Variants in PPP2R2B observed in about 807,000 individuals in gnomAD.
PPP2R2B encodes the protein protein phosphatase 2 regulatory subunit Bbeta, also known as serine/threonine-protein phosphatase 2A 55 kDa regulatory subunit B beta isoform.
PPP2R2B carries 5 observed loss-of-function variants against 46.0 expected under a neutral mutation model. The observed-to-expected ratio is 0.11, with a 90% CI of 0.06 to 0.23. The LOEUF is 0.23. Among genes scored for constraint, PPP2R2B ranks in the 10% least tolerant of loss-of-function variants. The pLI is 1.00. For synonymous variants in PPP2R2B, 215 were observed against 206.7 expected (o/e 1.04, Z -0.34); for missense variants, 367 against 575.0 (o/e 0.64, Z 3.70).
At position 146,781,787 on chromosome 5, in the gene PPP2R2B, C is replaced by T. The variant is rs141814533; in HGVS notation, c.71-80645G>A. 7.5e-4 allele frequency among the ~76,000 whole-genome samples: 114 copies of T among 152,200 alleles called. 4 individuals carry two copies. The East Asian group carries it at 0.015, about 19-fold the overall frequency. ...GATATTACAACCAGACTAAATCCAA[C>T]TGAAAGTCAAATAAAGGAAGAAAGA... On this transcript the variant is annotated intron_variant, in intron 2 of 9. Transcript: ENST00000394411.
At chr5:146,916,108 G>A (rs1342612706) in intron 1 of PPP2R2B, among the ~76,000 whole-genome samples, 1 of 152,150 alleles carries the variant, frequency 6.6e-6, no homozygotes, top group Non-Finnish European at 1.5e-5. Flanking sequence ...TCACTTTGAA[G>A]AGGTTTGTAC....
chr5:146,784,287 C>CA (rs1196783359), intron 2 of PPP2R2B, among the ~76,000 whole-genome samples: 6 of 152,166 alleles, frequency 3.9e-5, no homozygotes, highest in Non-Finnish European at 8.8e-5. Context: ...GAGAAGAGGA[C>CA]AGCCTCAGTC....
chr5:146,887,558 A>T (rs937766472), intron 1 of PPP2R2B, among the ~76,000 whole-genome samples: 3 of 152,224 alleles, frequency 2.0e-5, no homozygotes, highest in Admixed American at 2.0e-4. Context: ...CCCTAAAACT[A>T]GTAAGCTGAA....
chr5:146,703,718 G>A (rs1267585853), intron 2 of PPP2R2B, among the ~76,000 whole-genome samples: 1 of 152,166 alleles, frequency 6.6e-6, no homozygotes, highest in East Asian at 1.9e-4. Flanking sequence ...GTCAAAACAA[G>A]GCAGGATTCA....
intron 5 of PPP2R2B, among the ~76,000 whole-genome samples, chr5:146,663,694 A>C (rs1044877808): frequency 6.6e-6 from 1 of 152,236 alleles, no homozygotes; most frequent in African/African-American, 2.4e-5. Flanking sequence ...TTGCTAAATA[A>C]TACTAATGAT....
chr5:146,797,081 A>T (rs1756585418), intron 2 of PPP2R2B, among the ~76,000 whole-genome samples: 1 of 152,188 alleles, frequency 6.6e-6, no homozygotes, highest in South Asian at 2.1e-4. Flanking sequence ...TCACAGCATG[A>T]AAGTGCTCCA....
chr5:146,681,091 C>T (rs1355002710), intron 5 of PPP2R2B, among the ~76,000 whole-genome samples: 1 of 152,132 alleles, frequency 6.6e-6, no homozygotes, highest in East Asian at 1.9e-4. Flanking sequence ...GCCCGGCTTG[C>T]AACGTACTAG....
rs548285549 is a variant in PPP2R2B, at chr5:146,585,033, T to C, written c.*4914A>G. 6 of 152,304 alleles carry C rather than the reference T, an allele frequency of 3.9e-5. No homozygotes were observed. The South Asian group carries it at 8.3e-4, about 21-fold the overall frequency. 9.4% of individuals were successfully genotyped at this position (152,304 alleles called of 1,614,324 possible). A position where few individuals can be genotyped will look rare whatever the true frequency, so the allele number is the denominator to read the frequency against. On this transcript the variant is annotated 3_prime_UTR_variant, in exon 10 of 10. Coordinates refer to ENST00000394411, the MANE Select transcript of PPP2R2B (RefSeq NM_181675.4). The stretch of plus-strand genomic sequence containing the variant: ...GTATGACTTCTGCCCTTCATAGATA[T>C]CTCATTGTAAAAATGTTTACAGTAT...
chr5:146,984,240 C>T (rs1015455097), intron 1 of PPP2R2B, among the ~76,000 whole-genome samples: 1 of 152,184 alleles, frequency 6.6e-6, no homozygotes. Flanking sequence ...TGACTATCAT[C>T]TTCTCATTCC....
At chr5:146,838,934 A>G (rs1759459231) in intron 2 of PPP2R2B, among the ~76,000 whole-genome samples, 1 of 152,118 alleles carries the variant, frequency 6.6e-6, no homozygotes, top group Non-Finnish European at 1.5e-5. Flanking sequence ...CCTCTTCAAC[A>G]TTTCTGAAAA....
chr5:146,715,654 A>G (rs777677305), intron 2 of PPP2R2B, among the ~76,000 whole-genome samples: 2 of 152,178 alleles, frequency 1.3e-5, no homozygotes, highest in Non-Finnish European at 2.9e-5. Context: ...CTCAGACAGG[A>G]TAAATAACTT....
chr5:146,689,464 C>A (rs763775108), intron 5 of PPP2R2B, among the ~76,000 whole-genome samples: 2 of 152,120 alleles, frequency 1.3e-5, no homozygotes, highest in East Asian at 3.8e-4. Context: ...CAGGAACAGG[C>A]GTACAGGTTT....
intron 1 of PPP2R2B, among the ~76,000 whole-genome samples, chr5:146,956,478 T>C (rs1751915600): frequency 6.6e-6 from 1 of 152,166 alleles, no homozygotes. Flanking sequence ...GGGAAAAATA[T>C]ATCCAACTCA....
At chr5:146,932,634 A>G (rs1225703324) in intron 1 of PPP2R2B, among the ~76,000 whole-genome samples, 1 of 152,132 alleles carries the variant, frequency 6.6e-6, no homozygotes, top group African/African-American at 2.4e-5. Context: ...TTCCTTTACA[A>G]AGTGTTGGGT....
At chr5:146,855,168 G>C (rs1038344300) in intron 2 of PPP2R2B, among the ~76,000 whole-genome samples, 1 of 151,814 alleles carries the variant, frequency 6.6e-6, no homozygotes, top group African/African-American at 2.4e-5. Flanking sequence ...TAGTTGGTAG[G>C]AAGGAAAAAA....
intron 7 of PPP2R2B, among the ~76,000 whole-genome samples, chr5:146,616,444 T>C (rs982883645): frequency 6.6e-6 from 1 of 151,936 alleles, no homozygotes; most frequent in Non-Finnish European, 1.5e-5. Flanking sequence ...TGAAAACCCA[T>C]AGGATGAGGG....
At chr5:146,902,017 A>G (rs1021605551) in intron 1 of PPP2R2B, among the ~76,000 whole-genome samples, 2 of 152,190 alleles carry the variant, frequency 1.3e-5, no homozygotes, top group African/African-American at 4.8e-5. Context: ...TCAAAGTGTG[A>G]TGAAAAAATC....
chr5:146,685,765 C>G (rs1023823993), intron 5 of PPP2R2B, among the ~76,000 whole-genome samples: 35 of 152,126 alleles, frequency 2.3e-4, no homozygotes, highest in African/African-American at 6.0e-4. Flanking sequence ...CCTGTGCTGA[C>G]AGGAGGACAG....
At chr5:146,846,608 G>A (rs1582257034) in intron 2 of PPP2R2B, among the ~76,000 whole-genome samples, 1 of 152,158 alleles carries the variant, frequency 6.6e-6, no homozygotes, top group South Asian at 2.1e-4. Flanking sequence ...AACCTGGGAG[G>A]TGGAGGTTGC....
Sources: allele counts gnomAD v4.1 joint callset (sites outside exome capture counted in the v4.1 genomes callset), GRCh38; gene constraint gnomAD v4.1.1; transcripts MANE v1.5; gene names NCBI Gene and HGNC (gene_info 2026-07-23, HGNC 2026-07-21).